Variants in PPP2R2C observed in about 807,000 individuals in gnomAD.
PPP2R2C encodes protein phosphatase 2 regulatory subunit Bgamma, also known as protein phosphatase 2, regulatory subunit B, gamma.
In PPP2R2C, 10 loss-of-function variants were observed where a neutral mutation model predicts 45.3. The observed-to-expected ratio is 0.22, with a 90% CI of 0.14 to 0.37. The LOEUF is 0.37. Ranked by LOEUF, PPP2R2C falls within the 10% of genes least tolerant of loss-of-function variation. The pLI is 1.00. For missense variants in PPP2R2C, 308 were observed against 619.7 expected (o/e 0.50, Z 5.34); for synonymous variants, 257 against 245.4 (o/e 1.05, Z -0.44).
At chr4:6,430,077 G>A (rs2109408084) in intron 1 of PPP2R2C, among the ~76,000 whole-genome samples, 1 of 152,226 alleles carries the variant, frequency 6.6e-6, no homozygotes, top group South Asian at 2.1e-4. Flanking sequence ...TCATAAGTGG[G>A]CCACGATCAA....
At chr4:6,419,273 A>C (rs1037754624) in intron 1 of PPP2R2C, among the ~76,000 whole-genome samples, 2 of 151,970 alleles carry the variant, frequency 1.3e-5, no homozygotes, top group Non-Finnish European at 2.9e-5. Flanking sequence ...CACACACACA[A>C]AAATTAGGCA....
intron 1 of PPP2R2C, among the ~76,000 whole-genome samples, chr4:6,416,172 G>GGAGTCAGCTCA: frequency 2.6e-5 from 2 of 77,200 alleles, no homozygotes; most frequent in South Asian, 4.7e-4. Context: ...GCCTAACAAG[G>GGAGTCAGCTCA]ATAACAACCT....
intron 2 of PPP2R2C, among the ~76,000 whole-genome samples, chr4:6,517,257 C>A (rs796503726): frequency 4.7e-4 from 71 of 152,306 alleles, no homozygotes; most frequent in African/African-American, 1.7e-3. Context: ...GGCACCTGCC[C>A]TGTGTGAAAG....
chr4:6,532,582 A>T (rs546127440), intron 2 of PPP2R2C, among the ~76,000 whole-genome samples: 2 of 152,308 alleles, frequency 1.3e-5, no homozygotes, highest in African/African-American at 4.8e-5. Context: ...TGCACATTCC[A>T]CTCTGCGTTT....
At chr4:6,524,314 G>A (rs946772889) in intron 2 of PPP2R2C, among the ~76,000 whole-genome samples, 7 of 152,226 alleles carry the variant, frequency 4.6e-5, no homozygotes, top group Non-Finnish European at 1.0e-4. Flanking sequence ...TGAACTGCAT[G>A]ATTCCATTTC....
intron 1 of PPP2R2C, among the ~76,000 whole-genome samples, chr4:6,548,616 GC>G (rs1725074589): frequency 6.6e-6 from 1 of 152,230 alleles, no homozygotes; most frequent in South Asian, 2.1e-4. Flanking sequence ...CTTCCCGACA[GC>G]CATGCAAGTG....
At chr4:6,430,833 G>A (rs1464242837) in intron 1 of PPP2R2C, among the ~76,000 whole-genome samples, 5 of 152,078 alleles carry the variant, frequency 3.3e-5, no homozygotes, top group African/African-American at 1.2e-4. Flanking sequence ...GCTGAGGCAG[G>A]AGAATCACTT....
chr4:6,347,073 G>A (rs1047515702), intron 6 of PPP2R2C, among the ~76,000 whole-genome samples: 1 of 152,202 alleles, frequency 6.6e-6, no homozygotes, highest in Non-Finnish European at 1.5e-5. Flanking sequence ...GTGGCAGTGT[G>A]CAGCCCATGG....
At chr4:6,336,082 G>A (rs1049797517) in intron 6 of PPP2R2C, among the ~76,000 whole-genome samples, 1 of 152,150 alleles carries the variant, frequency 6.6e-6, no homozygotes, top group Admixed American at 6.5e-5. Context: ...GAGGGAGGGA[G>A]CCTAGTTTAT....
chr4:6,410,577 G>A (rs1718101782), intron 1 of PPP2R2C, among the ~76,000 whole-genome samples: 1 of 152,248 alleles, frequency 6.6e-6, no homozygotes, highest in African/African-American at 2.4e-5. Context: ...GTGGGGAAAG[G>A]TGCAGCAGAA....
intron 1 of PPP2R2C, among the ~76,000 whole-genome samples, chr4:6,455,183 CA>C (rs1720956329): frequency 6.6e-6 from 1 of 152,174 alleles, no homozygotes; most frequent in South Asian, 2.1e-4. Flanking sequence ...ATCACCCAAA[CA>C]AAAATGTTTT....
At chr4:6,536,166 G>A (rs935288545) in intron 1 of PPP2R2C, among the ~76,000 whole-genome samples, 19 of 152,184 alleles carry the variant, frequency 1.2e-4, no homozygotes, top group African/African-American at 4.3e-4. Context: ...CAGCCTCAAG[G>A]TGAAGGATAG....
chr4:6,462,107 A>G (rs551693903), intron 1 of PPP2R2C, among the ~76,000 whole-genome samples: 1 of 152,350 alleles, frequency 6.6e-6, no homozygotes, highest in East Asian at 1.9e-4. Context: ...GGGGTCCTGG[A>G]GGAGAGAGGG....
At chr4:6,517,900 G>T (rs1723875715) in intron 2 of PPP2R2C, among the ~76,000 whole-genome samples, 1 of 152,144 alleles carries the variant, frequency 6.6e-6, no homozygotes, top group African/African-American at 2.4e-5. Context: ...TGATAAAACT[G>T]AGGCTCAGCT....
chr4:6,378,769 G>A lies in PPP2R2C; in HGVS notation c.169-197C>T, dbSNP rs1051265887. The stretch of plus-strand genomic sequence containing the variant: ...TGTGCCAGGGACAAGCCCCGCTCCC[G>A]TGCGGTCCCATGAAACACTCACACC... On this transcript the variant is annotated intron_variant, in intron 2 of 8. Coordinates refer to ENST00000382599, the MANE Select transcript of PPP2R2C (RefSeq NM_020416.4). This position sits in a 1 kb window ranked among gnomAD's most constrained non-coding sequence, Gnocchi z 5.2. Among the ~76,000 whole-genome samples the A allele has an allele frequency of 3.3e-5, 5 of 152,028 alleles. No individual in the cohort carries two copies. The South Asian group carries it at 6.2e-4, about 19-fold the overall frequency.
chr4:6,548,092 C>T (rs1725054124), intron 1 of PPP2R2C, among the ~76,000 whole-genome samples: 1 of 152,106 alleles, frequency 6.6e-6, no homozygotes, highest in Non-Finnish European at 1.5e-5. Flanking sequence ...GTGGTGGGCA[C>T]CTGTAATCCC....
chr4:6,517,898 C>G (rs1028860871), intron 2 of PPP2R2C, among the ~76,000 whole-genome samples: 1 of 152,148 alleles, frequency 6.6e-6, no homozygotes, highest in African/African-American at 2.4e-5. Flanking sequence ...GATGATAAAA[C>G]TGAGGCTCAG....
intron 1 of PPP2R2C, among the ~76,000 whole-genome samples, chr4:6,405,520 G>C (rs377240617): frequency 1.1e-4 from 16 of 152,318 alleles, no homozygotes; most frequent in African/African-American, 3.8e-4. Flanking sequence ...TAATTATGAG[G>C]AAGGGACCCC....
At chr4:6,344,012 C>T (rs549565843) in intron 6 of PPP2R2C, among the ~76,000 whole-genome samples, 3 of 152,348 alleles carry the variant, frequency 2.0e-5, no homozygotes, top group Non-Finnish European at 2.9e-5. Context: ...GGGCAAGAGC[C>T]GCCAGAGGTC....
Sources: gnomAD v4.1 joint callset for allele counts (sites outside exome capture counted in the v4.1 genomes callset) on GRCh38, gnomAD v4.1.1 for gene constraint, Gnocchi (gnomAD v3.1) non-coding constraint, MANE v1.5 for transcripts, NCBI Gene and HGNC (gene_info 2026-07-23, HGNC 2026-07-21) for gene names.